The following PRSS57 variants were observed in gnomAD, a reference collection of about 807,000 sequenced individuals.
PRSS57 encodes neutrophil serine protease 4.
A neutral mutation model predicts 20.6 loss-of-function variants in PRSS57; 19 were observed. That is an observed-to-expected ratio of 0.92 (90% confidence interval 0.64 to 1.35). The LOEUF (loss-of-function observed/expected upper bound fraction) is 1.35. PRSS57 is among the 40% of genes most tolerant of loss of function. The pLI is 0.00. For missense variants in PRSS57, 440 were observed against 403.7 expected (o/e 1.09, Z -0.77); for synonymous variants, 203 against 176.6 (o/e 1.15, Z -1.19).
chr19:690,628 G>T, intron 3 of PRSS57: 1 of 244,576 alleles, frequency 4.1e-6, no homozygotes, highest in Non-Finnish European at 8.3e-6. Flanking sequence ...ACGAGGTTTT[G>T]GAGATTATGC....
Position 694,954 on chromosome 19 carries a change from G to T in PRSS57, c.93C>A (p.Ala31=). The stretch of plus-strand genomic sequence containing the variant: ...TCACCTCGTGGCCCCCGATGATCTG[G>T]GCCCCCCAGGAGCCTGCTGGAGGGA... ...LPVKPPGSWG[A]QIIGGHEVTP... Residue 31 remains alanine, a synonymous_variant, in exon 2 of 5, where the codon GCC becomes GCA. Coordinates refer to ENST00000329267, the MANE Select transcript of PRSS57 (RefSeq NM_001308209.2). 1 of 1,559,238 alleles carries T rather than the reference G, an allele frequency of 6.4e-7. No homozygotes were observed. Among genetic ancestry groups the T allele is most frequent in the Non-Finnish European group, 8.7e-7 (1 of 1,153,590 alleles).
At chr19:691,424 G>A (rs897869833) in intron 3 of PRSS57, among the ~76,000 whole-genome samples, 19 of 151,472 alleles carry the variant, frequency 1.3e-4, no homozygotes, top group Admixed American at 1.3e-3. Flanking sequence ...AGAATCACTT[G>A]AGCCTGGGAG....
intron 2 of PRSS57, among the ~76,000 whole-genome samples, chr19:693,709 C>G (rs996399445): frequency 6.6e-6 from 1 of 151,860 alleles, no homozygotes; most frequent in Admixed American, 6.6e-5. Flanking sequence ...GCTGGGGATA[C>G]GTACAGCCAC....
At chr19:689,222 G>GCTAGAA (rs1555684296) in intron 3 of PRSS57, among the ~76,000 whole-genome samples, 24 of 77,138 alleles carry the variant, frequency 3.1e-4, no homozygotes, top group South Asian at 7.5e-4. Context: ...AGGTGACGAC[G>GCTAGAA]GGGTGGTCCA....
At chr19:686,804 C>T (rs1427471822) in intron 4 of PRSS57, 121 bp downstream of exon 4, 5 of 1,293,478 alleles carry the variant, frequency 3.9e-6, no homozygotes, top group Non-Finnish European at 5.3e-6. Flanking sequence ...TGGGCCTCAG[C>T]TTCTCCGTCT....
intron 3 of PRSS57, among the ~76,000 whole-genome samples, chr19:688,601 A>ATTTTTTTTTTTTTTTTT (rs2031542429): frequency 2.8e-5 from 2 of 70,984 alleles, no homozygotes; most frequent in East Asian, 8.0e-4. Flanking sequence ...CCACCCAGGG[A>ATTTTTTTTTTTTTTTTT]CTTTTTTTTT....
intron 3 of PRSS57, chr19:690,510 G>A (rs10417261): frequency 8.9e-6 from 2 of 224,078 alleles, no homozygotes; most frequent in African/African-American, 2.3e-5. Flanking sequence ...AAGCTGGGCC[G>A]CCTGGTCAAG....
rs1043845767 is a variant in PRSS57, at chr19:694,919, G to C, written c.128C>G (p.Ser43Cys). 1 of 1,593,106 alleles carries C rather than the reference G, an allele frequency of 6.3e-7. No homozygotes were observed. The highest frequency in any genetic ancestry group is 8.5e-7 in the Non-Finnish European group (1 of 1,169,740). The change falls in exon 2 of 5, where the codon TCC (serine) becomes TGC (cysteine). Residue 43 changes from serine (S) to cysteine (C), a missense_variant. Coordinates refer to ENST00000329267, the MANE Select transcript of PRSS57 (RefSeq NM_001308209.2). ...GCGCACGGATGCCATGTAGGGCCTG[G>C]AGTGGGGGGTCACCTCGTGGCCCCC... is the stretch of plus-strand genomic sequence containing the variant. ...IIGGHEVTPH[S>C]RPYMASVRFG... is the part of the protein sequence containing the mutation.
intron 1 of PRSS57, 26 bp from the exon 2 acceptor site, chr19:694,993 G>A (rs754192184): frequency 1.3e-6 from 2 of 1,499,860 alleles, no homozygotes; most frequent in Admixed American, 2.3e-5. Context: ...CCTGAGTCAG[G>A]GACGAGGCGG....
At chr19:691,011 C>T (rs2031629238) in intron 3 of PRSS57, 3 of 388,486 alleles carry the variant, frequency 7.7e-6, no homozygotes, top group South Asian at 2.5e-5. Flanking sequence ...CCCTGGGCCA[C>T]TTTGCCAAGG....
At chr19:693,962 G>C (rs570901043) in intron 2 of PRSS57, among the ~76,000 whole-genome samples, 1 of 152,044 alleles carries the variant, frequency 6.6e-6, no homozygotes, top group African/African-American at 2.4e-5. Context: ...GGATGGTCTC[G>C]ATCTCCTGAC....
chr19:686,020 A>C, intron 4 of PRSS57, 98 bp from the exon 5 acceptor site: 2 of 1,070,362 alleles, frequency 1.9e-6, no homozygotes, highest in Non-Finnish European at 2.6e-6. Flanking sequence ...GTGGCTCCCT[A>C]CTGCTCTCCA....
intron 1 of PRSS57, 43 bp from the exon 2 acceptor site, chr19:695,010 C>T (rs757247271): frequency 1.6e-5 from 24 of 1,479,084 alleles, no homozygotes; most frequent in Admixed American, 7.4e-5. Flanking sequence ...GCGGGAGGAA[C>T]GGATGACGGG....
At position 685,658 on chromosome 19, in the gene PRSS57, C is replaced by G; in HGVS notation, c.*58G>C. The G allele has an allele frequency of 6.9e-7, 1 of 1,447,134 alleles. No individual in the cohort carries two copies. Among genetic ancestry groups the G allele is most frequent in the Non-Finnish European group, 9.2e-7 (1 of 1,082,872 alleles). 89.6% of individuals were successfully genotyped at this position (1,447,134 alleles called of 1,614,324 possible). A position where few individuals can be genotyped will look rare whatever the true frequency, so the allele number is the denominator to read the frequency against. ...ACATCAGGCTTCCCGTGGGGCCCAG[C>G]CACGGAACATTCCAGGCCTGGAGCG... On this transcript the variant is annotated 3_prime_UTR_variant, in exon 5 of 5. Coordinates refer to ENST00000329267, the MANE Select transcript of PRSS57 (RefSeq NM_001308209.2).
At chr19:686,372 C>T (rs1039204082) in intron 4 of PRSS57, among the ~76,000 whole-genome samples, 4 of 152,080 alleles carry the variant, frequency 2.6e-5, no homozygotes, top group Admixed American at 2.6e-4. Context: ...CCTCATCCTA[C>T]CCTCCTGCCA....
chr19:687,033 C>G lies in PRSS57; in HGVS notation c.534G>C (p.Lys178Asn). The change falls in exon 4 of 5, where the codon AAG (lysine) becomes AAC (asparagine). Residue 178 changes from lysine (K) to asparagine (N), a missense_variant. Coordinates refer to ENST00000329267, the MANE Select transcript of PRSS57 (RefSeq NM_001308209.2). The stretch of plus-strand genomic sequence containing the variant: ...AGACGTCCGGGTCCAGCACTCGGAC[C>G]TTGGCCTCCATCAGTCCAGGCGGCA... ...EELPPGLMEA[K>N]VRVLDPDVCN... is the part of the protein sequence containing the mutation. 2 of 1,614,124 alleles carry G rather than the reference C, an allele frequency of 1.2e-6. No homozygotes were observed. The highest frequency in any genetic ancestry group is 8.5e-7 in the Non-Finnish European group (1 of 1,180,044).
chr19:688,504 A>G (rs1568207327), intron 3 of PRSS57, among the ~76,000 whole-genome samples: 2 of 148,938 alleles, frequency 1.3e-5, no homozygotes, highest in South Asian at 2.1e-4. Flanking sequence ...GCGTCAGGGA[A>G]GGGGTCGTCC....
rs767015231 is a variant in PRSS57, at chr19:687,069, G to T, written c.498C>A (p.Asp166Glu). The T allele has an allele frequency of 6.2e-7, 1 of 1,614,038 alleles. No homozygotes were observed. The highest frequency in any genetic ancestry group is 8.5e-7 in the Non-Finnish European group (1 of 1,180,016). ...CRVAGWGFVS[D>E]FEELPPGLME... ...TCAGTCCAGGCGGCAGCTCCTCAAA[G>T]TCAGACACGAAGCCCCAGCCAGCCA... Residue 166 changes from aspartate (D) to glutamate (E), a missense_variant, in exon 4 of 5, where the codon GAC becomes GAA. By Grantham distance (45) the Asp-to-Glu change is conservative (BLOSUM62 2). Coordinates refer to ENST00000329267, the MANE Select transcript of PRSS57 (RefSeq NM_001308209.2).
At chr19:691,343 A>C (rs1462172441) in intron 3 of PRSS57, among the ~76,000 whole-genome samples, 1 of 151,646 alleles carries the variant, frequency 6.6e-6, no homozygotes, top group Non-Finnish European at 1.5e-5. Context: ...ATCTCTACTA[A>C]AAACACAAAA....
Sources: gnomAD v4.1 joint callset for allele counts (sites outside exome capture counted in the v4.1 genomes callset) on GRCh38, gnomAD v4.1.1 for gene constraint, MANE v1.5 for transcripts, NCBI Gene and HGNC (gene_info 2026-07-23, HGNC 2026-07-21) for gene names.